Variants in TBKBP1 observed in about 807,000 individuals in gnomAD.
TBKBP1 encodes TANK-binding kinase 1-binding protein 1.
Under a neutral mutation model 69.9 loss-of-function variants are expected in TBKBP1, and 47 were observed. That is an observed-to-expected ratio of 0.67 (90% CI 0.53 to 0.86). TBKBP1 has a LOEUF of 0.86. Ranked by LOEUF, TBKBP1 falls within the 40% of genes least tolerant of loss-of-function variation. The probability of loss-of-function intolerance (pLI) is 0.00; values close to 1 mark genes in which losing one functional copy is unlikely to be tolerated. For synonymous variants in TBKBP1, 418 were observed against 390.3 expected (o/e 1.07, Z -0.84); for missense variants, 831 against 858.6 (o/e 0.97, Z 0.40).
At position 47,709,046 on chromosome 17, in the gene TBKBP1, C is replaced by T; in HGVS notation, c.1313C>T (p.Thr438Met). ...CCGCCGCCCCCGCCGGGCGAGAGGA[C>T]GCTGGCCGAGCGCGCCTACGCCAAG... ...PPPPPPPGER[T>M]LAERAYAKPP... Residue 438 changes from threonine to methionine, a missense_variant, in exon 9 of 10, where the codon ACG (threonine) becomes ATG (methionine). Transcript: ENST00000578982. 3.1e-6 allele frequency: 4 copies of T among 1,306,836 alleles called. No individual in the cohort carries two copies. The highest frequency in any genetic ancestry group is 4.0e-5 in the Admixed American group (1 of 25,108). 81.0% of individuals were successfully genotyped at this position (1,306,836 alleles called of 1,614,324 possible).
intron 9 of TBKBP1, 108 bp downstream of exon 9, chr17:47,709,560 A>G (rs2031851958): frequency 2.2e-6 from 3 of 1,373,316 alleles, no homozygotes; most frequent in East Asian, 3.0e-5. Flanking sequence ...GTCAGCGCAC[A>G]AACTATTCAC....
intron 7 of TBKBP1, among the ~76,000 whole-genome samples, chr17:47,703,934 G>A (rs1242545102): frequency 6.6e-6 from 1 of 152,182 alleles, no homozygotes; most frequent in Non-Finnish European, 1.5e-5. Context: ...TGAGCAGATC[G>A]GGTGATGGCA....
chr17:47,708,757 T>TCCCCCGCCCCC lies in TBKBP1; in HGVS notation c.1028_1029insCGCCCCCCCCC (p.Gln346ProfsTer111). ...GCACTCGCCGCTGTCACAACGCCACTCCCCGGCCCCCCAGTGCCCCTCCCC... is the reference window on the plus strand; with the variant it reads ...GCACTCGCCGCTGTCACAACGCCACTCCCCCGCCCCCCCCCGGCCCCCCAGTGCCCCTCCCC... On this transcript the variant is annotated frameshift_variant, in exon 9 of 10. Transcript: ENST00000578982. LOFTEE classifies it high-confidence loss of function. This position sits in a 1 kb window ranked among gnomAD's most constrained non-coding sequence, Gnocchi z 4.4. 7.7e-7 allele frequency: 1 copy of TCCCCCGCCCCC among 1,299,400 alleles called. No homozygotes were observed. Among genetic ancestry groups the TCCCCCGCCCCC allele is most frequent in the Non-Finnish European group, 1.0e-6 (1 of 997,182 alleles). The allele number at this position is 1,299,400 out of a possible 1,614,324, so 80.5% of individuals were successfully genotyped here. A position where few individuals can be genotyped will look rare whatever the true frequency, so the allele number is the denominator to read the frequency against.
chr17:47,708,685 G>T lies in TBKBP1; in HGVS notation c.992-40G>T. ...GCTCCAGTTCTGAGGTCTTCTCTCT[G>T]CACCTTTGTCCCCCCACCCCGTCCC... On this transcript the variant is annotated intron_variant, in intron 8 of 9. Transcript: ENST00000578982. This position sits in a 1 kb window ranked among gnomAD's most constrained non-coding sequence, Gnocchi z 4.4. 1 of 1,480,426 alleles carries T rather than the reference G, an allele frequency of 6.8e-7. No individual in the cohort carries two copies. Among genetic ancestry groups the T allele is most frequent in the East Asian group, 2.5e-5 (1 of 40,368 alleles). The allele number at this position is 1,480,426 out of a possible 1,614,324, so 91.7% of individuals were successfully genotyped here.
At chr17:47,696,570 C>A (rs541471727) in intron 2 of TBKBP1, 141 bp from the exon 3 acceptor site, 2 of 1,360,300 alleles carry the variant, frequency 1.5e-6, no homozygotes, top group African/African-American at 1.5e-5. Flanking sequence ...GGCTACAGAC[C>A]CATGGGAATT....
At chr17:47,696,403 G>T (rs2031245434) in intron 2 of TBKBP1, 66 bp downstream of exon 2, 1 of 1,532,420 alleles carries the variant, frequency 6.5e-7, no homozygotes, top group African/African-American at 1.4e-5. Flanking sequence ...TGGGAATCTG[G>T]TAGATACCAG....
intron 7 of TBKBP1, among the ~76,000 whole-genome samples, chr17:47,701,205 T>G (rs2031487570): frequency 6.6e-6 from 1 of 152,048 alleles, no homozygotes; most frequent in Non-Finnish European, 1.5e-5. Flanking sequence ...CTGTGATAGC[T>G]GGGGAGGTGG....
At position 47,696,099 on chromosome 17, in the gene TBKBP1, G is replaced by A. The variant is rs751995006; in HGVS notation, c.-14G>A. The A allele has an allele frequency of 1.1e-5, 17 of 1,597,620 alleles. No individual in the cohort carries two copies. The East Asian group carries it at 3.6e-4, about 34-fold the overall frequency. On this transcript the variant is annotated 5_prime_UTR_variant, in exon 2 of 10. Coordinates refer to ENST00000578982, the MANE Select transcript of TBKBP1 (RefSeq NM_001394755.1). The stretch of plus-strand genomic sequence containing the variant: ...CCTAGGAGGCCCCGTGTGGGCCGCG[G>A]CCCGGCCCTCACCATGGAGTCCATG...
Position 47,708,305 on chromosome 17 carries a change from A to G in TBKBP1, c.873-89A>G, listed in dbSNP as rs2031766506. 2.2e-6 allele frequency: 3 copies of G among 1,382,452 alleles called. No individual in the cohort carries two copies. The highest frequency in any genetic ancestry group is 3.0e-6 in the Non-Finnish European group (3 of 989,568). 85.6% of individuals were successfully genotyped at this position (1,382,452 alleles called of 1,614,324 possible). ...GGGTGGGAGGGAGCATGGTGGGGCCAGATGCTGGGGTAGAGCCAGTTCTTC... is the reference window on the plus strand; with the variant it reads ...GGGTGGGAGGGAGCATGGTGGGGCCGGATGCTGGGGTAGAGCCAGTTCTTC... On this transcript the variant is annotated intron_variant, in intron 7 of 9. Transcript: ENST00000578982. The surrounding 1 kb of genome is among the most constrained non-coding windows in gnomAD (Gnocchi z 4.4).
At chr17:47,694,519 G>A (rs2031125990) in intron 1 of TBKBP1, 2 of 152,136 alleles carry the variant, frequency 1.3e-5, no homozygotes, top group Non-Finnish European at 2.9e-5. Context: ...TCGGCCGAGC[G>A]AAAGGGGTTT....
chr17:47,707,346 G>T (rs138559853), intron 7 of TBKBP1, among the ~76,000 whole-genome samples: 3 of 152,334 alleles, frequency 2.0e-5, no homozygotes, highest in African/African-American at 7.2e-5. Context: ...AAGGAAGTGG[G>T]TGAGGTTCCT....
Position 47,709,049 on chromosome 17 carries a change from TGGCCG to T in TBKBP1, c.1317_1321del (p.Glu441ArgfsTer22). ...CCGCCCCCGCCGGGCGAGAGGACGCTGGCCGAGCGCGCCTACGCCAAGCCGCCCAG... is the reference window on the plus strand; with the variant it reads ...CCGCCCCCGCCGGGCGAGAGGACGCTAGCGCGCCTACGCCAAGCCGCCCAG... On this transcript the variant is annotated frameshift_variant, in exon 9 of 10. Transcript: ENST00000578982. LOFTEE classifies it high-confidence loss of function. 7.6e-7 allele frequency: 1 copy of T among 1,308,846 alleles called. No individual in the cohort carries two copies. Among genetic ancestry groups the T allele is most frequent in the Non-Finnish European group, 9.7e-7 (1 of 1,028,380 alleles). The allele number at this position is 1,308,846 out of a possible 1,614,324, so 81.1% of individuals were successfully genotyped here.
rs746395602 is a variant in TBKBP1, at chr17:47,709,408, G to C, written c.1675G>C (p.Ala559Pro). 9 of 1,539,620 alleles carry C rather than the reference G, an allele frequency of 5.8e-6. No individual in the cohort carries two copies. Among genetic ancestry groups the C allele is most frequent in the Non-Finnish European group, 7.8e-6 (9 of 1,151,112 alleles). The change falls in exon 9 of 10, where the codon GCC becomes CCC. Residue 559 changes from alanine to proline, a missense_variant. Coordinates refer to ENST00000578982, the MANE Select transcript of TBKBP1 (RefSeq NM_001394755.1). ...FPIPESPAAT[A>P]YAHAEHAQSW... The stretch of plus-strand genomic sequence containing the variant: ...CATCCCCGAGTCGCCCGCCGCCACC[G>C]CCTACGCCCACGCCGAGCACGCGCA...
At chr17:47,703,955 G>A (rs1397339960) in intron 7 of TBKBP1, among the ~76,000 whole-genome samples, 1 of 152,198 alleles carries the variant, frequency 6.6e-6, no homozygotes, top group East Asian at 1.9e-4. Flanking sequence ...CCTCTGCGGT[G>A]TGTTTCTGGT....
intron 1 of TBKBP1, 200 bp from the exon 2 acceptor site, chr17:47,695,879 C>T (rs775110135): frequency 2.1e-6 from 1 of 467,314 alleles, no homozygotes. Context: ...CACCTGGTTC[C>T]AGCCCCTTTT....
intron 2 of TBKBP1, 139 bp downstream of exon 2, chr17:47,696,476 TG>T: frequency 8.6e-7 from 1 of 1,167,174 alleles, no homozygotes; most frequent in South Asian, 1.5e-5. Context: ...ATGAGAGACG[TG>T]GCTGTTCCGG....
chr17:47,709,700 G>GT (rs1222549009), intron 9 of TBKBP1, among the ~76,000 whole-genome samples: 26 of 152,384 alleles, frequency 1.7e-4, no homozygotes, highest in African/African-American at 6.3e-4. Flanking sequence ...GGATTTTGGA[G>GT]TGAGTGACAG....
At position 47,708,303 on chromosome 17, in the gene TBKBP1, C is replaced by T. The variant is rs1689597448; in HGVS notation, c.873-91C>T. 1 of 1,355,872 alleles carries T rather than the reference C, an allele frequency of 7.4e-7. No homozygotes were observed. Among genetic ancestry groups the T allele is most frequent in the East Asian group, 2.4e-5 (1 of 41,698 alleles). 84.0% of individuals were successfully genotyped at this position (1,355,872 alleles called of 1,614,324 possible). On this transcript the variant is annotated intron_variant, in intron 7 of 9. Coordinates refer to ENST00000578982, the MANE Select transcript of TBKBP1 (RefSeq NM_001394755.1). The surrounding 1 kb of genome is among the most constrained non-coding windows in gnomAD (Gnocchi z 4.4). ...GCGGGTGGGAGGGAGCATGGTGGGG[C>T]CAGATGCTGGGGTAGAGCCAGTTCT...
chr17:47,699,054 A>G (rs543784309), intron 5 of TBKBP1, among the ~76,000 whole-genome samples: 15 of 152,052 alleles, frequency 9.9e-5, no homozygotes, highest in African/African-American at 3.4e-4. Flanking sequence ...GGCTGTGACT[A>G]GGAGAGGCCC....
Sources: allele counts gnomAD v4.1 joint callset (sites outside exome capture counted in the v4.1 genomes callset), GRCh38; gene constraint gnomAD v4.1.1; non-coding constraint Gnocchi (gnomAD v3.1); transcripts MANE v1.5; gene names NCBI Gene and HGNC (gene_info 2026-07-23, HGNC 2026-07-21).